The following SEC14L1 variants were observed in gnomAD, a reference collection of about 807,000 sequenced individuals.
SEC14L1 encodes the protein SEC14-like protein 1.
Under a neutral mutation model 85.3 loss-of-function variants are expected in SEC14L1, and 48 were observed. The ratio of observed to expected loss-of-function variants is 0.56; its 90% CI spans 0.45 to 0.72. The LOEUF (loss-of-function observed/expected upper bound fraction) is 0.72, where lower values mean the gene tolerates loss of function less well. Among genes scored for constraint, SEC14L1 ranks in the 30% least tolerant of loss-of-function variants. The pLI, the probability that SEC14L1 is intolerant of heterozygous loss-of-function variation, is 0.00. For synonymous variants in SEC14L1, 391 were observed against 355.5 expected (o/e 1.10, Z -1.12); for missense variants, 682 against 921.4 (o/e 0.74, Z 3.36).
At chr17:77,109,797 A>G (rs1972008677) in intron 3 of SEC14L1, among the ~76,000 whole-genome samples, 1 of 152,206 alleles carries the variant, frequency 6.6e-6, no homozygotes, top group Non-Finnish European at 1.5e-5. Context: ...AGTACTTAGC[A>G]TCTACTCATT....
intron 3 of SEC14L1, among the ~76,000 whole-genome samples, chr17:77,179,052 C>T (rs1404764668): frequency 6.6e-6 from 1 of 152,160 alleles, no homozygotes; most frequent in African/African-American, 2.4e-5. Flanking sequence ...TTCTCCTGTC[C>T]TCTAGCAAGA....
At chr17:77,152,629 T>A (rs916762639) in intron 3 of SEC14L1, 17 of 152,104 alleles carry the variant, frequency 1.1e-4, no homozygotes, top group African/African-American at 3.6e-4. Flanking sequence ...AATAATCACG[T>A]CTCGGGTAAA....
At chr17:77,190,073 C>T (rs1975454551) in intron 3 of SEC14L1, among the ~76,000 whole-genome samples, 1 of 150,564 alleles carries the variant, frequency 6.6e-6, no homozygotes, top group South Asian at 2.1e-4. Context: ...ATTTTTTTTC[C>T]CTAAAAGTTT....
Position 77,212,033 on chromosome 17 carries a change from T to C in SEC14L1, c.1695T>C (p.Tyr565=), listed in dbSNP as rs886396947. ...AAGGGGACATTGTGTTTAACATCTA[T>C]CACTCCAAGAGGTCGCCACAACCAC... ...VCKGDIVFNI[Y]HSKRSPQPPK... The change falls in exon 15 of 17, where the codon TAT becomes TAC. Residue 565 remains tyrosine (Y), a synonymous_variant. Transcript: ENST00000436233. 33 of 1,613,954 alleles carry C rather than the reference T, an allele frequency of 2.0e-5. No individual in the cohort carries two copies. Among genetic ancestry groups the C allele is most frequent in the Non-Finnish European group, 2.5e-5 (30 of 1,180,026 alleles).
chr17:77,184,276 C>A, intron 3 of SEC14L1, among the ~76,000 whole-genome samples: 1 of 152,100 alleles, frequency 6.6e-6, no homozygotes, highest in African/African-American at 2.4e-5. Context: ...CACCTTTGTT[C>A]CTTTGTTAAA....
At position 77,214,208 on chromosome 17, in the gene SEC14L1, A is replaced by T. The variant is rs1976924496; in HGVS notation, c.*185A>T. The T allele has an allele frequency of 1.4e-6, 2 of 1,397,826 alleles. No individual in the cohort carries two copies. The highest frequency in any genetic ancestry group is 3.3e-5 in the Admixed American group (1 of 30,430). 86.6% of individuals were successfully genotyped at this position (1,397,826 alleles called of 1,614,324 possible). On this transcript the variant is annotated 3_prime_UTR_variant, in exon 17 of 17. Coordinates refer to ENST00000436233, the MANE Select transcript of SEC14L1 (RefSeq NM_001143998.2). ...ACCTTGGCAGGTAGTTTTAACTCTGATCCTAACTTAACTCAATAGCCATAG... is the reference window on the plus strand; with the variant it reads ...ACCTTGGCAGGTAGTTTTAACTCTGTTCCTAACTTAACTCAATAGCCATAG...
At chr17:77,211,029 G>A (rs1349017524) in intron 14 of SEC14L1, 1 of 152,434 alleles carries the variant, frequency 6.6e-6, no homozygotes, top group African/African-American at 2.4e-5. Flanking sequence ...GCTGAAGAGG[G>A]GGCCGTGCCA....
At chr17:77,108,915 C>T (rs1158546306) in intron 3 of SEC14L1, among the ~76,000 whole-genome samples, 8 of 151,976 alleles carry the variant, frequency 5.3e-5, no homozygotes, top group African/African-American at 9.6e-5. Flanking sequence ...CTCTGCCTCC[C>T]GGTTTCAAGC....
intron 2 of SEC14L1, chr17:77,089,414 T>C (rs978199968): frequency 3.9e-6 from 2 of 519,000 alleles, no homozygotes; most frequent in Non-Finnish European, 7.7e-6. Flanking sequence ...AAGAAGTCTT[T>C]CCTGGGTTTT....
At chr17:77,188,412 CTTT>C (rs10706544) in intron 3 of SEC14L1, among the ~76,000 whole-genome samples, 58 of 142,930 alleles carry the variant, frequency 4.1e-4, no homozygotes, top group Admixed American at 4.9e-4. Context: ...ACTGCTGAGG[CTTT>C]TTTTTTTTTT....
intron 3 of SEC14L1, among the ~76,000 whole-genome samples, chr17:77,186,588 T>A (rs1975278343): frequency 6.6e-6 from 1 of 152,196 alleles, no homozygotes; most frequent in African/African-American, 2.4e-5. Flanking sequence ...GCTTTTCACA[T>A]CGATTTAACC....
chr17:77,201,453 T>C (rs1008620757), intron 9 of SEC14L1, among the ~76,000 whole-genome samples: 2 of 84,312 alleles, frequency 2.4e-5, no homozygotes, highest in African/African-American at 6.4e-5. Context: ...CAAATGTGTC[T>C]TTTTTTTTTT....
chr17:77,110,877 C>CAAAA (rs1212651345), intron 3 of SEC14L1, among the ~76,000 whole-genome samples: 12 of 46,592 alleles, frequency 2.6e-4, no homozygotes, highest in Non-Finnish European at 3.9e-4. Flanking sequence ...GACTCTGTCT[C>CAAAA]AAAAAAAAAA....
rs767174449 is a variant in SEC14L1 at position 77,206,665 on chromosome 17, A to C, written c.1342-63A>C. 6.5e-6 allele frequency: 10 copies of C among 1,547,712 alleles called. No individual in the cohort carries two copies. In the East Asian group the frequency reaches 1.8e-4, roughly 28 times the overall value. ...CTCCCACTCAGAATACCACATTGTC[A>C]TTTTAATCTTGGACACTCAGGCAGC... On this transcript the variant is annotated intron_variant, in intron 12 of 16. Transcript: ENST00000436233. The surrounding 1 kb of genome is among the most constrained non-coding windows in gnomAD (Gnocchi z 4.3).
intron 13 of SEC14L1, among the ~76,000 whole-genome samples, chr17:77,207,984 A>G (rs945025801): frequency 6.6e-6 from 1 of 152,110 alleles, no homozygotes; most frequent in South Asian, 2.1e-4. Context: ...GACTTGTTCC[A>G]TGGCACACGG....
intron 9 of SEC14L1, 60 bp from the exon 10 acceptor site, chr17:77,203,510 T>C: frequency 7.0e-7 from 1 of 1,424,094 alleles, no homozygotes; most frequent in South Asian, 1.2e-5. Flanking sequence ...GGTCTTAGAG[T>C]TGTATCCTCA....
chr17:77,140,244 C>G (rs1049256248), upstream of SEC14L1, among the ~76,000 whole-genome samples: 5 of 152,224 alleles, frequency 3.3e-5, no homozygotes, highest in Admixed American at 3.3e-4. Context: ...TTGGCACCCT[C>G]GTTTCCGAGG....
chr17:77,186,132 C>T (rs1975254954), intron 3 of SEC14L1, among the ~76,000 whole-genome samples: 1 of 152,192 alleles, frequency 6.6e-6, no homozygotes, highest in African/African-American at 2.4e-5. Flanking sequence ...ACTCTGGCCA[C>T]CTGTTCGTGC....
At chr17:77,124,976 A>G (rs997489341) in intron 3 of SEC14L1, among the ~76,000 whole-genome samples, 9 of 25,044 alleles carry the variant, frequency 3.6e-4, no homozygotes, top group Non-Finnish European at 4.5e-4. Flanking sequence ...TGGATTTACT[A>G]TTATTATTAT....
Sources: allele counts gnomAD v4.1 joint callset (sites outside exome capture counted in the v4.1 genomes callset), GRCh38; gene constraint gnomAD v4.1.1; non-coding constraint Gnocchi (gnomAD v3.1); transcripts MANE v1.5; gene names NCBI Gene and HGNC (gene_info 2026-07-23, HGNC 2026-07-21).